NRXN3: variants seen among roughly 807,000 people sequenced by gnomAD.
NRXN3 encodes the protein neurexin III.
In NRXN3, 32 loss-of-function variants were observed where a neutral mutation model predicts 137.6. The observed-to-expected ratio is 0.23, with a 90% CI of 0.18 to 0.31. The LOEUF is 0.31. NRXN3 is among the 10% of genes least tolerant of loss of function. NRXN3 has a pLI of 1.00. For missense variants in NRXN3, 1,574 were observed against 2,062.5 expected, an observed-to-expected ratio of 0.76 and a Z score of 4.59; for synonymous variants, 798 against 784.5, an observed-to-expected ratio of 1.02 and a Z score of -0.29.
At chr14:79,755,639 C>A (rs76338049) in intron 19 of NRXN3, among the ~76,000 whole-genome samples, 2 of 151,586 alleles carry the variant, frequency 1.3e-5, no homozygotes, top group Admixed American at 1.3e-4. Context: ...AGCAATGTCT[C>A]TATGATCATA....
chr14:78,893,936 T>C (rs2099166451), intron 10 of NRXN3, among the ~76,000 whole-genome samples: 1 of 151,950 alleles, frequency 6.6e-6, no homozygotes, highest in African/African-American at 2.4e-5. Context: ...TGCAATAGAA[T>C]GATGTCTAAA....
chr14:79,247,896 T>TA (rs113266849), intron 15 of NRXN3, among the ~76,000 whole-genome samples: 2,179 of 148,748 alleles, frequency 0.015, 33 homozygotes, highest in South Asian at 0.034. Context: ...ATAAAAAAAT[T>TA]AAAAAAAAAA....
At chr14:78,337,753 T>C (rs144726943) in intron 4 of NRXN3, among the ~76,000 whole-genome samples, 130 of 152,336 alleles carry the variant, frequency 8.5e-4, no homozygotes, top group African/African-American at 3.1e-3. Flanking sequence ...GAGAAGGCCG[T>C]ATATATAGTA....
chr14:78,679,756 C>A (rs1203886702), intron 6 of NRXN3, among the ~76,000 whole-genome samples: 1 of 152,134 alleles, frequency 6.6e-6, no homozygotes, highest in Non-Finnish European at 1.5e-5. Flanking sequence ...TCTGAGCATT[C>A]ATTGATTAAT....
intron 16 of NRXN3, among the ~76,000 whole-genome samples, chr14:79,554,299 C>T (rs945758548): frequency 6.6e-6 from 1 of 152,066 alleles, no homozygotes; most frequent in African/African-American, 2.4e-5. Context: ...AAGGAAGACT[C>T]GTAAAATGGA....
intron 15 of NRXN3, among the ~76,000 whole-genome samples, chr14:79,045,737 C>T (rs934184344): frequency 6.6e-6 from 1 of 152,168 alleles, no homozygotes; most frequent in Non-Finnish European, 1.5e-5. Context: ...AACAAGATAA[C>T]GTTTTTTCAT....
At chr14:78,719,678 C>A (rs921474381) in intron 8 of NRXN3, among the ~76,000 whole-genome samples, 1 of 152,094 alleles carries the variant, frequency 6.6e-6, no homozygotes, top group Non-Finnish European at 1.5e-5. Context: ...CCCGTCTCTA[C>A]TAAAAATACA....
chr14:79,056,391 G>A (rs764442440), intron 15 of NRXN3, among the ~76,000 whole-genome samples: 1 of 126,706 alleles, frequency 7.9e-6, no homozygotes, highest in Non-Finnish European at 1.7e-5. Flanking sequence ...ATGTATCCGT[G>A]CATTTTTTTT....
At chr14:79,441,616 G>A (rs1158874603) in intron 15 of NRXN3, among the ~76,000 whole-genome samples, 1 of 151,724 alleles carries the variant, frequency 6.6e-6, no homozygotes, top group African/African-American at 2.4e-5. Flanking sequence ...TCCTGACCTC[G>A]TGATCTGCCC....
intron 15 of NRXN3, among the ~76,000 whole-genome samples, chr14:79,445,567 A>G (rs2096050001): frequency 6.6e-6 from 1 of 152,150 alleles, no homozygotes; most frequent in Non-Finnish European, 1.5e-5. Flanking sequence ...CACTGGGATG[A>G]GGGAAAGTTG....
intron 8 of NRXN3, among the ~76,000 whole-genome samples, chr14:78,727,780 C>G (rs1053537691): frequency 6.6e-6 from 1 of 152,160 alleles, no homozygotes; most frequent in Non-Finnish European, 1.5e-5. Flanking sequence ...ATCACATTTA[C>G]CACCTCGTCT....
intron 16 of NRXN3, among the ~76,000 whole-genome samples, chr14:79,540,027 GA>G (rs1160351367): frequency 6.6e-6 from 1 of 152,044 alleles, no homozygotes; most frequent in Non-Finnish European, 1.5e-5. Flanking sequence ...GAAGGAGAGG[GA>G]AAAAATTCCC....
intron 17 of NRXN3, among the ~76,000 whole-genome samples, chr14:79,668,035 G>C (rs1401535586): frequency 6.6e-6 from 1 of 151,934 alleles, no homozygotes; most frequent in Admixed American, 6.6e-5. Context: ...TGTATGTCAG[G>C]GGGTGCTGAG....
chr14:79,637,974 C>T (rs1464500674), intron 16 of NRXN3, among the ~76,000 whole-genome samples: 1 of 151,948 alleles, frequency 6.6e-6, no homozygotes, highest in East Asian at 1.9e-4. Flanking sequence ...AAGTGATCCA[C>T]CTGCCTCGGC....
At chr14:78,921,104 T>C (rs763576437) in intron 10 of NRXN3, among the ~76,000 whole-genome samples, 1 of 152,198 alleles carries the variant, frequency 6.6e-6, no homozygotes, top group African/African-American at 2.4e-5. Context: ...TCAGTCCTCA[T>C]CCTAAAGCAA....
chr14:78,584,370 AAAGGCTATGG>A (rs1449017561), intron 4 of NRXN3, among the ~76,000 whole-genome samples: 1 of 152,154 alleles, frequency 6.6e-6, no homozygotes, highest in East Asian at 1.9e-4. Flanking sequence ...GCTGTTCTAA[AAAGGCTATGG>A]TCCCAAAGGC....
At chr14:78,285,933 C>A (rs1458031094) in intron 3 of NRXN3, among the ~76,000 whole-genome samples, 2 of 152,102 alleles carry the variant, frequency 1.3e-5, no homozygotes, top group Non-Finnish European at 2.9e-5. Flanking sequence ...CCCAGGAAGA[C>A]CCCCCTGGCT....
At chr14:79,505,178 G>T (rs1025254250) in intron 16 of NRXN3, among the ~76,000 whole-genome samples, 2 of 148,190 alleles carry the variant, frequency 1.3e-5, no homozygotes, top group Admixed American at 6.9e-5. Context: ...TCATGCCGTT[G>T]CTCTCCAGCC....
intron 15 of NRXN3, among the ~76,000 whole-genome samples, chr14:79,429,509 G>T (rs2095711274): frequency 6.6e-6 from 1 of 152,198 alleles, no homozygotes; most frequent in South Asian, 2.1e-4. Context: ...AAGGTAAAAA[G>T]AAACTGTCTA....
Sources: allele counts gnomAD v4.1 joint callset (sites outside exome capture counted in the v4.1 genomes callset), GRCh38; gene constraint gnomAD v4.1.1; transcripts MANE v1.5; gene names NCBI Gene and HGNC (gene_info 2026-07-23, HGNC 2026-07-21).